IL13RA1: variants seen among roughly 807,000 people sequenced by gnomAD.
The protein encoded by IL13RA1 is interleukin 13 receptor subunit alpha 1.
A neutral mutation model predicts 33.8 loss-of-function variants in IL13RA1; 14 were observed. The observed-to-expected ratio is 0.41, with a 90% CI of 0.27 to 0.65. The LOEUF is 0.65. Ranked by LOEUF, IL13RA1 falls within the 30% of genes least tolerant of loss-of-function variation. The pLI, the probability that IL13RA1 is intolerant of heterozygous loss-of-function variation, is 0.28. For synonymous variants in IL13RA1, 116 were observed against 115.7 expected (o/e 1.00, Z -0.02); for missense variants, 313 against 327.0 (o/e 0.96, Z 0.33).
Position 118,766,567 on chromosome X carries a change from GA to G in IL13RA1, c.869del (p.Asn290MetfsTer18). The G allele has an allele frequency of 9.4e-7, 1 of 1,059,487 alleles. No homozygotes were observed. Among genetic ancestry groups the G allele is most frequent in the Non-Finnish European group, 1.3e-6 (1 of 757,917 alleles). 87.3% of individuals were successfully genotyped at this position (1,059,487 alleles called of 1,213,427 possible). A position where few individuals can be genotyped will look rare whatever the true frequency, so the allele number is the denominator to read the frequency against. On this transcript the variant is annotated frameshift_variant, in exon 7 of 11. Transcript: ENST00000371666. LOFTEE classifies it high-confidence loss of function. Reference protein sequence around the residue: ...EAKCENPEFERNVENTSCFMV... With the variant: ...EAKCENPEFEXNVENTSCFMV... ...AAATGTGAGAATCCAGAATTTGAGA[GA>G]AATGTGGAGGTCAGTAAATTCAACA... is the stretch of plus-strand genomic sequence containing the variant.
intron 5 of IL13RA1, among the ~76,000 whole-genome samples, chrX:118,759,531 G>A (rs2017569144): frequency 9.0e-6 from 1 of 111,445 alleles, no homozygotes; most frequent in Non-Finnish European, 1.9e-5. Flanking sequence ...AGTGGGGTAA[G>A]CTGAAGCAGA....
intron 6 of IL13RA1, 110 bp from the exon 7 acceptor site, chrX:118,766,420 C>T: frequency 2.3e-6 from 1 of 428,842 alleles, no homozygotes; most frequent in Non-Finnish European, 4.0e-6. Context: ...TGTACCTGAT[C>T]ATCTTTTAAT....
In IL13RA1 at chrX:118,736,876, G is replaced by A. The variant is rs111951196; in HGVS notation, c.89-4141G>A. Among the ~76,000 whole-genome samples the A allele has an allele frequency of 3.3e-3, 369 of 112,925 alleles. 1 individual carries two copies. Among genetic ancestry groups the A allele is most frequent in the African/African-American group, 0.011 (349 of 31,145 alleles). ...TGGCCTCAAGTAATCCTCCTGCCTC[G>A]GCCTACCGAAGTGCTGGGATTATAG... is the stretch of plus-strand genomic sequence containing the variant. On this transcript the variant is annotated intron_variant, in intron 1 of 10. Coordinates refer to ENST00000371666, the MANE Select transcript of IL13RA1 (RefSeq NM_001560.3).
chrX:118,746,953 GA>G lies in IL13RA1; in HGVS notation c.232del (p.Ile78Ter). 8.4e-7 allele frequency: 1 copy of G among 1,187,873 alleles called. No homozygotes were observed. The highest frequency in any genetic ancestry group is 1.8e-5 in the South Asian group (1 of 54,987). On this transcript the variant is annotated frameshift_variant and splice_region_variant, in exon 3 of 11. Coordinates refer to ENST00000371666, the MANE Select transcript of IL13RA1 (RefSeq NM_001560.3). LOFTEE classifies it high-confidence loss of function. ...TGCCTTTTTCAATTTTCTAACCTTA[GA>G]AAATAGCTCCGGAAACTCGTCGTTC... ...FSHFGDKQDKKIAPETRRSIE... is the reference protein window; with the variant it reads ...FSHFGDKQDKXIAPETRRSIE...
chrX:118,730,391 A>G (rs1470972628), intron 1 of IL13RA1, among the ~76,000 whole-genome samples: 1 of 112,263 alleles, frequency 8.9e-6, no homozygotes, highest in Non-Finnish European at 1.9e-5. Flanking sequence ...GGCATTCAAA[A>G]GAGAAAAAGC....
At chrX:118,773,217 G>A (rs935239436) in intron 8 of IL13RA1, among the ~76,000 whole-genome samples, 10 of 112,272 alleles carry the variant, frequency 8.9e-5, no homozygotes, top group African/African-American at 3.2e-4. Flanking sequence ...GTGGCTGGGC[G>A]CAGTGGCTCA....
In IL13RA1 at chrX:118,741,793, A is replaced by T. The variant is rs1000159472; in HGVS notation, c.228+637A>T. Among the ~76,000 whole-genome samples the T allele has an allele frequency of 4.5e-5, 5 of 110,861 alleles. No individual in the cohort carries two copies. The Admixed American group carries it at 4.8e-4, about 11-fold the overall frequency. On this transcript the variant is annotated intron_variant, in intron 2 of 10. Coordinates refer to ENST00000371666, the MANE Select transcript of IL13RA1 (RefSeq NM_001560.3). ...CTTTTTATACCTTCTTTCGGTGTGT[A>T]TGTGTTTGTTGCAGGGTGGCGGCGG...
chrX:118,771,748 G>A (rs944552407), intron 8 of IL13RA1, among the ~76,000 whole-genome samples: 13 of 112,236 alleles, frequency 1.2e-4, no homozygotes, highest in African/African-American at 4.2e-4. Flanking sequence ...GCTGAGGCGG[G>A]TGGATCACTT....
chrX:118,798,159 C>T (rs777157972), downstream of IL13RA1, among the ~76,000 whole-genome samples: 11 of 111,736 alleles, frequency 9.8e-5, no homozygotes, highest in East Asian at 5.6e-4. Context: ...CCTCTCAACA[C>T]GCACTTGTGC....
downstream of IL13RA1, among the ~76,000 whole-genome samples, chrX:118,796,909 T>C (rs2018035577): frequency 8.9e-6 from 1 of 112,755 alleles, no homozygotes; most frequent in Non-Finnish European, 1.9e-5. Context: ...GTAATAGGAA[T>C]TTAGAAGTCA....
At chrX:118,797,654 G>A (rs1365609902), downstream of IL13RA1, among the ~76,000 whole-genome samples, 1 of 112,279 alleles carries the variant, frequency 8.9e-6, no homozygotes, top group Non-Finnish European at 1.9e-5. Context: ...CAGGCCTTAA[G>A]ATAGATTTTC....
At chrX:118,799,279 G>A (rs143294291), downstream of IL13RA1, among the ~76,000 whole-genome samples, 6,107 of 112,791 alleles carry the variant, frequency 0.054, 398 homozygotes, top group African/African-American at 0.18. Context: ...CCTCCCGGAC[G>A]AGCACTACCC....
intron 4 of IL13RA1, among the ~76,000 whole-genome samples, chrX:118,752,913 G>A (rs2017486282): frequency 8.9e-6 from 1 of 112,190 alleles, no homozygotes; most frequent in Non-Finnish European, 1.9e-5. Context: ...TAGCCTGGCT[G>A]TTGATGTTGT....
chrX:118,744,044 G>T (rs190779623), intron 2 of IL13RA1, among the ~76,000 whole-genome samples: 19 of 111,272 alleles, frequency 1.7e-4, no homozygotes, highest in African/African-American at 5.9e-4. Context: ...TACTTGGGAG[G>T]CTGAGGCAGG....
intron 1 of IL13RA1, among the ~76,000 whole-genome samples, chrX:118,735,946 G>A (rs1021307747): frequency 9.0e-6 from 1 of 111,415 alleles, no homozygotes; most frequent in African/African-American, 3.3e-5. Flanking sequence ...CTTAGACTCT[G>A]TTCACTTTTC....
At chrX:118,750,584 A>G (rs780717815) in intron 4 of IL13RA1, among the ~76,000 whole-genome samples, 1 of 111,174 alleles carries the variant, frequency 9.0e-6, no homozygotes, top group African/African-American at 3.3e-5. Flanking sequence ...AAATATTCAC[A>G]TACAGATTTT....
Position 118,773,928 on chromosome X carries a change from A to G in IL13RA1, c.1059A>G (p.Pro353=). ...TLYITMLLIV[P]VIVAGAIIVL... Reference sequence around the variant, plus strand: ...ACATAACCATGTTACTCATTGTTCCAGTCATCGTCGCAGGTGCAATCATAG... The same window carrying G: ...ACATAACCATGTTACTCATTGTTCCGGTCATCGTCGCAGGTGCAATCATAG... Residue 353 remains proline, a synonymous_variant, in exon 9 of 11, where the codon CCA becomes CCG. Coordinates refer to ENST00000371666, the MANE Select transcript of IL13RA1 (RefSeq NM_001560.3). The G allele has an allele frequency of 9.1e-7, 1 of 1,100,840 alleles. No homozygotes were observed. The allele number at this position is 1,100,840 out of a possible 1,213,427, so 90.7% of individuals were successfully genotyped here. A position where few individuals can be genotyped will look rare whatever the true frequency, so the allele number is the denominator to read the frequency against.
chrX:118,732,465 A>G (rs980468792), intron 1 of IL13RA1, among the ~76,000 whole-genome samples: 4 of 110,521 alleles, frequency 3.6e-5, no homozygotes. Flanking sequence ...CAGGTTTGTT[A>G]CATATGTATA....
At chrX:118,753,397 A>T (rs936655226) in intron 4 of IL13RA1, among the ~76,000 whole-genome samples, 2 of 112,873 alleles carry the variant, frequency 1.8e-5, no homozygotes, top group Non-Finnish European at 3.7e-5. Context: ...AGCAGATGGT[A>T]CTTGGGCTGG....
Sources: allele counts gnomAD v4.1 joint callset (sites outside exome capture counted in the v4.1 genomes callset), GRCh38; gene constraint gnomAD v4.1.1; transcripts MANE v1.5; gene names NCBI Gene and HGNC (gene_info 2026-07-23, HGNC 2026-07-21).